Variants in TNR observed in about 807,000 individuals in gnomAD.
TNR encodes tenascin R, also known as tenascin-R.
A neutral mutation model predicts 150.4 loss-of-function variants in TNR; 45 were observed. The ratio of observed to expected loss-of-function variants is 0.30; its 90% confidence interval spans 0.24 to 0.38. The LOEUF is 0.38. Ranked by LOEUF, TNR falls within the 10% of genes least tolerant of loss-of-function variation. TNR has a pLI of 1.00. For missense variants in TNR, 1,544 were observed against 1,759.1 expected (o/e 0.88, Z 2.19); for synonymous variants, 687 against 678.4 (o/e 1.01, Z -0.20).
intron 14 of TNR, among the ~76,000 whole-genome samples, chr1:175,362,223 C>G (rs1294087967): frequency 6.6e-6 from 1 of 152,138 alleles, no homozygotes; most frequent in East Asian, 1.9e-4. Context: ...AAAGCAAGAG[C>G]AAAGGCACCT....
At chr1:175,326,927 A>G (rs764433362) in intron 21 of TNR, among the ~76,000 whole-genome samples, 5 of 151,718 alleles carry the variant, frequency 3.3e-5, no homozygotes, top group Non-Finnish European at 5.9e-5. Context: ...CGGCCTCCCA[A>G]AGTGCTGGGA....
intron 1 of TNR, among the ~76,000 whole-genome samples, chr1:175,632,776 C>T (rs1664371660): frequency 6.6e-6 from 1 of 152,126 alleles, no homozygotes; most frequent in Non-Finnish European, 1.5e-5. Context: ...AGTTGGCGAC[C>T]TGCCTAGGAC....
chr1:175,464,494 A>G (rs1312913537), intron 2 of TNR, among the ~76,000 whole-genome samples: 1 of 152,244 alleles, frequency 6.6e-6, no homozygotes, highest in Non-Finnish European at 1.5e-5. Context: ...TGAGAAGGTC[A>G]GAAGCTGCTG....
rs1445264578 is a variant in TNR, at chr1:175,318,149, T to C, written c.*5208A>G. On this transcript the variant is annotated 3_prime_UTR_variant, in exon 23 of 23. Coordinates refer to ENST00000367674, the MANE Select transcript of TNR (RefSeq NM_003285.3). Reference sequence around the variant, plus strand: ...GGTGCAGTGACAGGCCTTGGTGCCTTAGTTTCTCCTCAAGTTAAGTGGGTG... The same window carrying C: ...GGTGCAGTGACAGGCCTTGGTGCCTCAGTTTCTCCTCAAGTTAAGTGGGTG... 2.0e-5 allele frequency: 3 copies of C among 152,230 alleles called. No individual in the cohort carries two copies. The highest frequency in any genetic ancestry group is 7.2e-5 in the African/African-American group (3 of 41,436). The allele number at this position is 152,230 out of a possible 1,614,324, so 9.4% of individuals were successfully genotyped here.
intron 1 of TNR, among the ~76,000 whole-genome samples, chr1:175,566,359 C>A (rs114682317): frequency 1.3e-5 from 2 of 152,174 alleles, no homozygotes; most frequent in Admixed American, 1.3e-4. Flanking sequence ...GTATGATGGA[C>A]GAGAGCGGGT....
chr1:175,582,436 C>T (rs914055697), intron 1 of TNR, among the ~76,000 whole-genome samples: 2 of 152,216 alleles, frequency 1.3e-5, no homozygotes, highest in Non-Finnish European at 1.5e-5. Flanking sequence ...GATGTAAAGA[C>T]AGTTGCACCA....
At chr1:175,650,937 ACCCCT>A in intron 1 of TNR, among the ~76,000 whole-genome samples, 1 of 11,276 alleles carries the variant, frequency 8.9e-5, no homozygotes, top group Non-Finnish European at 1.6e-4. Context: ...CCTCATTACT[ACCCCT>A]CCCCATCTCA....
At chr1:175,432,341 G>A in intron 2 of TNR, among the ~76,000 whole-genome samples, 1 of 152,158 alleles carries the variant, frequency 6.6e-6, no homozygotes, top group South Asian at 2.1e-4. Context: ...AACAACTGTG[G>A]TTAGAAGTAA....
chr1:175,443,219 T>TA (rs1304551052), intron 2 of TNR, among the ~76,000 whole-genome samples: 1 of 152,204 alleles, frequency 6.6e-6, no homozygotes, highest in Non-Finnish European at 1.5e-5. Flanking sequence ...TTTGCTTGAT[T>TA]AAGTCCCTTC....
At chr1:175,458,940 C>G (rs916162923) in intron 2 of TNR, among the ~76,000 whole-genome samples, 1 of 139,800 alleles carries the variant, frequency 7.2e-6, no homozygotes, top group Non-Finnish European at 1.5e-5. Flanking sequence ...TCACCACCAC[C>G]ATTAGCACCT....
intron 2 of TNR, among the ~76,000 whole-genome samples, chr1:175,526,305 A>G (rs1557986911): frequency 1.3e-5 from 2 of 152,356 alleles, no homozygotes; most frequent in Admixed American, 1.3e-4. Context: ...TGGAACTGAA[A>G]GTTATCATAA....
intron 1 of TNR, among the ~76,000 whole-genome samples, chr1:175,671,414 A>C (rs1005453362): frequency 2.0e-5 from 3 of 152,160 alleles, no homozygotes; most frequent in African/African-American, 7.2e-5. Context: ...AGAGTGAGGG[A>C]GTGGGGACTG....
intron 7 of TNR, 58 bp downstream of exon 7, chr1:175,391,230 G>A (rs1456039615): frequency 1.9e-6 from 3 of 1,586,398 alleles, no homozygotes; most frequent in Non-Finnish European, 1.7e-6. Context: ...GCAATTCTGT[G>A]GTTCTTTTCC....
intron 1 of TNR, among the ~76,000 whole-genome samples, chr1:175,714,131 C>T (rs1044316004): frequency 1.3e-5 from 2 of 151,828 alleles, no homozygotes; most frequent in Non-Finnish European, 2.9e-5. Context: ...AAAACTCCTG[C>T]ACCCTTTAGC....
At chr1:175,570,638 T>G (rs1238073928) in intron 1 of TNR, among the ~76,000 whole-genome samples, 2 of 152,112 alleles carry the variant, frequency 1.3e-5, no homozygotes, top group African/African-American at 4.8e-5. Flanking sequence ...TTTCCTTTTT[T>G]CCTTCCATTT....
At chr1:175,579,762 G>A (rs999271655) in intron 1 of TNR, among the ~76,000 whole-genome samples, 1 of 151,630 alleles carries the variant, frequency 6.6e-6, no homozygotes, top group Non-Finnish European at 1.5e-5. Flanking sequence ...AGAGGGGAGA[G>A]GGTCAGCAGC....
chr1:175,740,428 T>C (rs1667895036), intron 1 of TNR, among the ~76,000 whole-genome samples: 1 of 131,688 alleles, frequency 7.6e-6, no homozygotes, highest in African/African-American at 2.6e-5. Flanking sequence ...TTATATGTCA[T>C]TTTTTTCAAC....
intron 1 of TNR, among the ~76,000 whole-genome samples, chr1:175,643,409 C>T (rs114448236): frequency 1.4e-4 from 21 of 152,316 alleles, no homozygotes; most frequent in African/African-American, 4.6e-4. Context: ...GTCACCAACG[C>T]CCTGTGCCTC....
intron 1 of TNR, among the ~76,000 whole-genome samples, chr1:175,548,627 G>T (rs1245201801): frequency 1.3e-5 from 2 of 149,856 alleles, no homozygotes; most frequent in Non-Finnish European, 3.0e-5. Flanking sequence ...CTGGTTACCT[G>T]CTACTGGCTC....
Sources: gnomAD v4.1 joint callset for allele counts (sites outside exome capture counted in the v4.1 genomes callset) on GRCh38, gnomAD v4.1.1 for gene constraint, MANE v1.5 for transcripts, NCBI Gene and HGNC (gene_info 2026-07-23, HGNC 2026-07-21) for gene names.